The following DYNC1I2 variants were observed in gnomAD, a reference collection of about 807,000 sequenced individuals.
DYNC1I2 encodes the protein cytoplasmic dynein 1 intermediate chain 2.
In DYNC1I2, 53 loss-of-function variants were observed where a neutral mutation model predicts 88.6. The observed-to-expected ratio is 0.60, with a 90% CI of 0.48 to 0.75. DYNC1I2 has a LOEUF of 0.75. Ranked by LOEUF, DYNC1I2 falls within the 30% of genes least tolerant of loss-of-function variation. DYNC1I2 has a pLI of 0.00. For missense variants in DYNC1I2, 458 were observed against 766.6 expected, an observed-to-expected ratio of 0.60 and a Z score of 4.75; for synonymous variants, 198 against 254.6, an observed-to-expected ratio of 0.78 and a Z score of 2.12.
chr2:171,746,033 C>T (rs1029825101), intron 17 of DYNC1I2, 106 bp downstream of exon 17: 10 of 1,212,962 alleles, frequency 8.2e-6, no homozygotes, highest in African/African-American at 3.0e-5. Flanking sequence ...GTTGTTTAAA[C>T]TATATGGTTG....
intron 11 of DYNC1I2, among the ~76,000 whole-genome samples, chr2:171,727,430 T>TTAA (rs1688325640): frequency 6.6e-6 from 1 of 152,140 alleles, no homozygotes; most frequent in Admixed American, 6.6e-5. Flanking sequence ...TTAAAATCTT[T>TTAA]TAATAGTGTC....
intron 12 of DYNC1I2, 125 bp from the exon 13 acceptor site, chr2:171,728,180 C>T: frequency 2.8e-6 from 2 of 718,726 alleles, no homozygotes; most frequent in Non-Finnish European, 4.3e-6. Context: ...TAATAGCAAA[C>T]TTCACATTAA....
rs551757650 is a variant in DYNC1I2 at position 171,726,643 on chromosome 2, G to A, written c.871-148G>A. The A allele has an allele frequency of 2.4e-4, 188 of 790,790 alleles. 2 individuals carry two copies. The Middle Eastern group carries it at 6.0e-3, about 25-fold the overall frequency. The allele number at this position is 790,790 out of a possible 1,614,324, so 49.0% of individuals were successfully genotyped here. A position where few individuals can be genotyped will look rare whatever the true frequency, so the allele number is the denominator to read the frequency against. On this transcript the variant is annotated intron_variant, in intron 10 of 17. Coordinates refer to ENST00000397119, the MANE Select transcript of DYNC1I2 (RefSeq NM_001378.3). Reference sequence around the variant, plus strand: ...AATTTAAAATTGTACTAATGTCCCAGTAGGCATAATGCTAGAGATGTCTCT... The same window carrying A: ...AATTTAAAATTGTACTAATGTCCCAATAGGCATAATGCTAGAGATGTCTCT...
rs1032494640 is a variant in DYNC1I2 at position 171,740,256 on chromosome 2, G to A, written c.1537-3793G>A. Reference sequence around the variant, plus strand: ...GATTTGGTTATCCACCAGACCTTACGTTAACGTCTCTTCAGTCTTTTTGGT... The same window carrying A: ...GATTTGGTTATCCACCAGACCTTACATTAACGTCTCTTCAGTCTTTTTGGT... On this transcript the variant is annotated intron_variant, in intron 15 of 17. Transcript: ENST00000397119. 3.3e-5 allele frequency among the ~76,000 whole-genome samples: 5 copies of A among 152,120 alleles called. No individual in the cohort carries two copies. In the South Asian group the frequency reaches 6.2e-4, roughly 19 times the overall value.
At chr2:171,695,038 T>C (rs1401917889) in intron 3 of DYNC1I2, among the ~76,000 whole-genome samples, 1 of 152,172 alleles carries the variant, frequency 6.6e-6, no homozygotes, top group Non-Finnish European at 1.5e-5. Flanking sequence ...TCTAATTCCA[T>C]TCTCATTCCC....
chr2:171,727,918 A>G lies in DYNC1I2; in HGVS notation c.1094A>G (p.Asn365Ser), dbSNP rs990079591. 3.7e-6 allele frequency: 6 copies of G among 1,613,228 alleles called. No individual in the cohort carries two copies. The African/African-American group carries it at 4.0e-5, about 11-fold the overall frequency. Reference sequence around the variant, plus strand: ...ATTGTGCTTTGGGATAACCGTAGCAATAAAAGAACTCCAGTGCAAAGAACT... The same window carrying G: ...ATTGTGCTTTGGGATAACCGTAGCAGTAAAAGAACTCCAGTGCAAAGAACT... ...GQIVLWDNRS[N>S]KRTPVQRTPL... Residue 365 changes from asparagine (N) to serine (S), a missense_variant, in exon 12 of 18, where the codon AAT becomes AGT. This residue lies in a region of DYNC1I2 where 203 missense variants were observed against 354.2 expected (regional missense o/e 0.57). Transcript: ENST00000397119.
intron 7 of DYNC1I2, among the ~76,000 whole-genome samples, chr2:171,724,008 G>A (rs572813927): frequency 1.5e-4 from 23 of 152,268 alleles, no homozygotes; most frequent in African/African-American, 3.9e-4. Flanking sequence ...GATTGAGGCC[G>A]TTGAAAGGAA....
rs1688292242 is a variant in DYNC1I2 at position 171,726,844 on chromosome 2, GC to G, written c.926del (p.Pro309LeufsTer10). 6.2e-7 allele frequency: 1 copy of G among 1,613,046 alleles called. No individual in the cohort carries two copies. Among genetic ancestry groups the G allele is most frequent in the Admixed American group, 1.7e-5 (1 of 59,950 alleles). ...ACAACAATGAAGATGCCCCTCATGA[GC>G]CTGATGGTGTGGCCCTTGTATGGAA... ...YNNNEDAPHE[P>X]DGVALVWNMK... On this transcript the variant is annotated frameshift_variant, in exon 11 of 18. Coordinates refer to ENST00000397119, the MANE Select transcript of DYNC1I2 (RefSeq NM_001378.3). LOFTEE classifies it high-confidence loss of function.
At chr2:171,701,355 A>G (rs1025004258) in intron 3 of DYNC1I2, among the ~76,000 whole-genome samples, 55 of 152,144 alleles carry the variant, frequency 3.6e-4, no homozygotes, top group African/African-American at 1.3e-3. Context: ...TTTTTGGTAG[A>G]GACGGGGTTT....
At chr2:171,715,239 G>T in intron 6 of DYNC1I2, 89 bp from the exon 7 acceptor site, 1 of 694,732 alleles carries the variant, frequency 1.4e-6, no homozygotes, top group Non-Finnish European at 2.4e-6. Flanking sequence ...TTACAATGTT[G>T]GGTGCAAATG....
At chr2:171,717,217 A>C (rs1301910755) in intron 7 of DYNC1I2, among the ~76,000 whole-genome samples, 1 of 140,226 alleles carries the variant, frequency 7.1e-6, no homozygotes, top group Non-Finnish European at 1.5e-5. Context: ...ATCTTGGCTC[A>C]GTTCTCCCAC....
Position 171,725,613 on chromosome 2 carries a change from T to TTC in DYNC1I2, c.512-4_512-3dup. The TTC allele has an allele frequency of 6.9e-7, 1 of 1,454,392 alleles. No individual in the cohort carries two copies. The highest frequency in any genetic ancestry group is 9.1e-7 in the Non-Finnish European group (1 of 1,096,770). The allele number at this position is 1,454,392 out of a possible 1,614,324, so 90.1% of individuals were successfully genotyped here. A position where few individuals can be genotyped will look rare whatever the true frequency, so the allele number is the denominator to read the frequency against. On this transcript the variant is annotated splice_polypyrimidine_tract_variant and splice_region_variant and intron_variant, in intron 7 of 17. Transcript: ENST00000397119. The stretch of plus-strand genomic sequence containing the variant: ...TTTTTTGTTTGTTTTTTTTTTTTTT[T>TTC]TCAGATGAAGAGGAAGATGATGATG...
chr2:171,707,267 C>G lies in DYNC1I2; in HGVS notation c.245-20C>G. On this transcript the variant is annotated intron_variant, in intron 4 of 17. Coordinates refer to ENST00000397119, the MANE Select transcript of DYNC1I2 (RefSeq NM_001378.3). ...CTCTCCGTGTAGTAACAGCGGATAC[C>G]TGTCTATTTCACTATTTAGTCCCTC... 6 of 1,613,688 alleles carry G rather than the reference C, an allele frequency of 3.7e-6. No homozygotes were observed. Among genetic ancestry groups the G allele is most frequent in the Non-Finnish European group, 5.1e-6 (6 of 1,179,706 alleles).
intron 17 of DYNC1I2, among the ~76,000 whole-genome samples, chr2:171,747,207 T>TATA (rs1491354708): frequency 8.8e-5 from 11 of 124,702 alleles, no homozygotes; most frequent in Admixed American, 6.0e-4. Context: ...AAAAAAAAAA[T>TATA]TATATATATA....
chr2:171,710,710 T>G (rs1355227946), intron 5 of DYNC1I2, among the ~76,000 whole-genome samples: 1 of 151,560 alleles, frequency 6.6e-6, no homozygotes, highest in Non-Finnish European at 1.5e-5. Context: ...TTTTTTTTTT[T>G]TTTCTTTTTT....
chr2:171,745,082 T>C (rs1026420853), intron 16 of DYNC1I2, among the ~76,000 whole-genome samples: 1 of 152,248 alleles, frequency 6.6e-6, no homozygotes, highest in Non-Finnish European at 1.5e-5. Context: ...GGATGACTAG[T>C]ACAAATTAGA....
chr2:171,713,314 A>G (rs10930491), intron 6 of DYNC1I2, among the ~76,000 whole-genome samples: 70,985 of 151,840 alleles, frequency 0.47, 19,018 homozygotes, highest in East Asian at 0.7. Context: ...AAATGAGTGA[A>G]TGAATGGATT....
chr2:171,747,425 T>C (rs1375123674), intron 17 of DYNC1I2, among the ~76,000 whole-genome samples: 2 of 151,960 alleles, frequency 1.3e-5, no homozygotes, highest in Non-Finnish European at 2.9e-5. Flanking sequence ...TGTTTCTTAC[T>C]AGGAATTTTG....
intron 16 of DYNC1I2, 129 bp downstream of exon 16, chr2:171,744,318 CT>C: frequency 1.0e-6 from 1 of 982,018 alleles, no homozygotes; most frequent in Non-Finnish European, 1.4e-6. Context: ...TCACAAAGAA[CT>C]CAAATAAGCT....
Sources: gnomAD v4.1 joint callset for allele counts (sites outside exome capture counted in the v4.1 genomes callset) on GRCh38, gnomAD v4.1.1 for gene constraint, gnomAD v4.1.1 regional missense constraint, MANE v1.5 for transcripts, NCBI Gene and HGNC (gene_info 2026-07-23, HGNC 2026-07-21) for gene names.